NAMPT: variants seen among roughly 807,000 people sequenced by gnomAD.
NAMPT encodes nicotinamide phosphoribosyltransferase.
A neutral mutation model predicts 58.7 loss-of-function variants in NAMPT; 7 were observed. That is an observed-to-expected ratio of 0.12 (90% CI 0.07 to 0.22). The LOEUF is 0.22. NAMPT is among the 10% of genes least tolerant of loss of function. The pLI is 1.00. For missense variants in NAMPT, 271 were observed against 567.9 expected, an observed-to-expected ratio of 0.48 and a Z score of 5.31; for synonymous variants, 145 against 198.1, an observed-to-expected ratio of 0.73 and a Z score of 2.25.
Position 106,253,170 on chromosome 7 carries a change from AAGTT to A in NAMPT, c.1231-23_1231-20del. ...CGTTAATCTGAAATCCAAATTAAGA[AAGTT>A]AGACAAGTAGAAGACTAATCATCAG... is the stretch of plus-strand genomic sequence containing the variant. On this transcript the variant is annotated intron_variant, in intron 9 of 10. Coordinates refer to ENST00000222553, the MANE Select transcript of NAMPT (RefSeq NM_005746.3). 6.2e-7 allele frequency: 1 copy of A among 1,609,102 alleles called. No individual in the cohort carries two copies. The highest frequency in any genetic ancestry group is 1.1e-5 in the South Asian group (1 of 90,512).
intron 8 of NAMPT, among the ~76,000 whole-genome samples, chr7:106,256,874 C>CT (rs1341978516): frequency 1.3e-5 from 2 of 152,126 alleles, no homozygotes; most frequent in Non-Finnish European, 2.9e-5. Flanking sequence ...ACAGGCCCAG[C>CT]TTTTTAAAGG....
intron 2 of NAMPT, 170 bp downstream of exon 2, chr7:106,276,853 A>C: frequency 3.3e-6 from 2 of 603,682 alleles, no homozygotes. Flanking sequence ...CAAAAAAAAA[A>C]AAAAACCTTT....
At chr7:106,268,299 C>G (rs773522842) in intron 6 of NAMPT, 165 bp downstream of exon 6, 4 of 605,584 alleles carry the variant, frequency 6.6e-6, no homozygotes, top group Non-Finnish European at 1.1e-5. Flanking sequence ...CTCTGCCTCT[C>G]TAAGACTAAT....
At chr7:106,276,083 ATAAT>A (rs1792632560) in intron 2 of NAMPT, 2 of 152,242 alleles carry the variant, frequency 1.3e-5, no homozygotes, top group African/African-American at 2.4e-5. Flanking sequence ...CTTGCCACTA[ATAAT>A]TACTTCTGAT....
At position 106,250,946 on chromosome 7, in the gene NAMPT, GA is replaced by G. The variant is rs555250437; in HGVS notation, c.*136del. The stretch of plus-strand genomic sequence containing the variant: ...TTGAGATCACCTAAACACTGGAAAA[GA>G]AAAAAAATGAAAGGGCAGTATGTCC... On this transcript the variant is annotated 3_prime_UTR_variant, in exon 11 of 11. Coordinates refer to ENST00000222553, the MANE Select transcript of NAMPT (RefSeq NM_005746.3). The G allele has an allele frequency of 3.4e-4, 221 of 650,994 alleles. No individual in the cohort carries two copies. Among genetic ancestry groups the G allele is most frequent in the East Asian group, 1.2e-3 (42 of 35,566 alleles). The allele number at this position is 650,994 out of a possible 1,614,324, so 40.3% of individuals were successfully genotyped here.
intron 6 of NAMPT, among the ~76,000 whole-genome samples, chr7:106,264,327 A>T (rs996890037): frequency 5.9e-5 from 9 of 152,078 alleles, no homozygotes; most frequent in Non-Finnish European, 1.2e-4. Flanking sequence ...TTGGATAAGA[A>T]TGGTTATAGT....
intron 8 of NAMPT, among the ~76,000 whole-genome samples, chr7:106,260,677 G>A (rs765844441): frequency 1.3e-5 from 2 of 152,178 alleles, no homozygotes; most frequent in African/African-American, 2.4e-5. Context: ...TAAAATGAGA[G>A]GGATGTGACT....
intron 3 of NAMPT, among the ~76,000 whole-genome samples, chr7:106,274,164 G>C (rs1044356959): frequency 6.6e-6 from 1 of 150,638 alleles, no homozygotes; most frequent in Non-Finnish European, 1.5e-5. Flanking sequence ...TCAGCACCAA[G>C]CCATTCTCAC....
intron 7 of NAMPT, 74 bp from the exon 8 acceptor site, chr7:106,261,781 T>C: frequency 3.4e-6 from 5 of 1,464,990 alleles, no homozygotes; most frequent in Non-Finnish European, 4.7e-6. Flanking sequence ...CAAAGTTAAA[T>C]GATTTTGCTT....
At chr7:106,257,158 A>G (rs1792215878) in intron 8 of NAMPT, among the ~76,000 whole-genome samples, 1 of 151,718 alleles carries the variant, frequency 6.6e-6, no homozygotes, top group African/African-American at 2.4e-5. Flanking sequence ...AAAAAAAAAG[A>G]GAAAAAGATA....
chr7:106,252,893 C>T (rs932437157), intron 10 of NAMPT, 124 bp downstream of exon 10: 32 of 1,226,900 alleles, frequency 2.6e-5, no homozygotes, highest in African/African-American at 1.5e-4. Flanking sequence ...AGCAATTGGA[C>T]ATTTTATAAT....
intron 2 of NAMPT, 37 bp from the exon 3 acceptor site, chr7:106,275,086 G>A (rs371217949): frequency 3.8e-6 from 5 of 1,332,600 alleles, no homozygotes; most frequent in Non-Finnish European, 5.4e-6. Flanking sequence ...CATTTCTAAA[G>A]GTGCATTCTG....
intron 10 of NAMPT, 58 bp downstream of exon 10, chr7:106,252,959 T>C (rs1792129376): frequency 8.3e-6 from 13 of 1,564,734 alleles, no homozygotes; most frequent in South Asian, 4.7e-5. Flanking sequence ...TCCTTTCTTA[T>C]TAATTTGGTG....
intron 8 of NAMPT, among the ~76,000 whole-genome samples, chr7:106,260,027 G>A (rs536643481): frequency 6.6e-6 from 1 of 152,168 alleles, no homozygotes; most frequent in Non-Finnish European, 1.5e-5. Flanking sequence ...AATTCTAAGG[G>A]TCCTAGGATT....
chr7:106,251,397 A>G (rs1792101590), intron 10 of NAMPT, among the ~76,000 whole-genome samples: 1 of 152,130 alleles, frequency 6.6e-6, no homozygotes, highest in African/African-American at 2.4e-5. Flanking sequence ...GTATGTAGAA[A>G]TATTTAACTT....
chr7:106,257,547 C>A (rs1360107046), intron 8 of NAMPT, among the ~76,000 whole-genome samples: 2 of 151,530 alleles, frequency 1.3e-5, no homozygotes, highest in African/African-American at 2.4e-5. Context: ...GGGAGGACCA[C>A]CTGACCCTGG....
intron 1 of NAMPT, among the ~76,000 whole-genome samples, chr7:106,281,658 G>T (rs1427823721): frequency 6.6e-6 from 1 of 152,136 alleles, no homozygotes; most frequent in Non-Finnish European, 1.5e-5. Context: ...TATTATTTAA[G>T]ATTTCTTAAA....
At chr7:106,269,068 A>G in intron 5 of NAMPT, 86 bp downstream of exon 5, 1 of 1,276,124 alleles carries the variant, frequency 7.8e-7, no homozygotes, top group South Asian at 1.5e-5. Flanking sequence ...ACCAAGATCA[A>G]TCTCAATAAC....
At chr7:106,275,583 A>C (rs998352624) in intron 2 of NAMPT, 1 of 152,342 alleles carries the variant, frequency 6.6e-6, no homozygotes, top group Non-Finnish European at 1.5e-5. Flanking sequence ...AGACATACGA[A>C]CCACTTACAA....
Sources: gnomAD v4.1 joint callset for allele counts (sites outside exome capture counted in the v4.1 genomes callset) on GRCh38, gnomAD v4.1.1 for gene constraint, MANE v1.5 for transcripts, NCBI Gene and HGNC (gene_info 2026-07-23, HGNC 2026-07-21) for gene names.